Variants in RANBP17 observed in about 807,000 individuals in gnomAD.
The protein encoded by RANBP17 is ran-binding protein 17.
RANBP17 carries 158 observed loss-of-function variants against 141.2 expected under a neutral mutation model. That is an observed-to-expected ratio of 1.12 (90% CI 0.98 to 1.28). The LOEUF (loss-of-function observed/expected upper bound fraction) is 1.28, where lower values mean the gene tolerates loss of function less well. Ranked by LOEUF, RANBP17 falls within the 50% of genes most tolerant of loss-of-function variation. The probability of loss-of-function intolerance (pLI) is 0.00; values close to 1 mark genes in which losing one functional copy is unlikely to be tolerated. For synonymous variants in RANBP17, 430 were observed against 450.0 expected, an observed-to-expected ratio of 0.96 and a Z score of 0.56; for missense variants, 1,438 against 1,290.7, an observed-to-expected ratio of 1.11 and a Z score of -1.75.
At chr5:170,904,660 C>T (rs986813043) in intron 5 of RANBP17, among the ~76,000 whole-genome samples, 32 of 152,250 alleles carry the variant, frequency 2.1e-4, no homozygotes, top group African/African-American at 7.7e-4. Flanking sequence ...AGTACCTGAA[C>T]TTCAGACATT....
At chr5:170,943,508 A>G (rs1774504437) in intron 12 of RANBP17, among the ~76,000 whole-genome samples, 1 of 152,156 alleles carries the variant, frequency 6.6e-6, no homozygotes, top group African/African-American at 2.4e-5. Flanking sequence ...TATTACAGCA[A>G]TAATTATTTT....
At chr5:171,227,045 T>C (rs2127986483) in intron 22 of RANBP17, among the ~76,000 whole-genome samples, 1 of 152,232 alleles carries the variant, frequency 6.6e-6, no homozygotes, top group African/African-American at 2.4e-5. Context: ...CTCCCTATTC[T>C]CTGACACAGC....
At chr5:171,279,525 G>A (rs1767724622) in intron 25 of RANBP17, among the ~76,000 whole-genome samples, 1 of 152,246 alleles carries the variant, frequency 6.6e-6, no homozygotes, top group Non-Finnish European at 1.5e-5. Flanking sequence ...AAGCATGAAG[G>A]CAGAGCCCTC....
chr5:171,253,015 C>G (rs758646268), intron 24 of RANBP17: 4 of 1,124,592 alleles, frequency 3.6e-6, no homozygotes, highest in Non-Finnish European at 5.4e-6. Context: ...GAGATACTTT[C>G]TGCCGCATTT....
At chr5:171,031,288 A>G (rs1360709722) in intron 14 of RANBP17, among the ~76,000 whole-genome samples, 1 of 152,022 alleles carries the variant, frequency 6.6e-6, no homozygotes, top group Non-Finnish European at 1.5e-5. Flanking sequence ...ACCTTACTGT[A>G]AGCAAAACAA....
intron 14 of RANBP17, among the ~76,000 whole-genome samples, chr5:171,081,010 GT>G (rs1785231629): frequency 6.6e-6 from 1 of 152,282 alleles, no homozygotes; most frequent in East Asian, 1.9e-4. Context: ...ACTGTGTGAT[GT>G]TTTAAGGTAG....
In RANBP17 at chr5:171,265,773, C is replaced by T. The variant is rs866408442; in HGVS notation, c.2869C>T (p.Arg957Ter). 13 of 1,613,910 alleles carry T rather than the reference C, an allele frequency of 8.1e-6. No individual in the cohort carries two copies. The Admixed American group carries it at 8.3e-5, about 10-fold the overall frequency. The change falls in exon 25 of 28, where the codon CGA (arginine) becomes TGA (stop). Residue 957 changes from arginine (R) to a stop codon, truncating the protein, a stop_gained. Coordinates refer to ENST00000523189, the MANE Select transcript of RANBP17 (RefSeq NM_022897.5). LOFTEE classifies it high-confidence loss of function. ...HIAKEGKKPL[R>*]CREATQAGQR... ...AGCAAAAGAGGGCAAGAAGCCACTTCGATGCAGAGAGGCTACCCAGGCTGG... is the reference window on the plus strand; with the variant it reads ...AGCAAAAGAGGGCAAGAAGCCACTTTGATGCAGAGAGGCTACCCAGGCTGG...
intron 16 of RANBP17, among the ~76,000 whole-genome samples, chr5:171,179,973 T>C (rs1449913236): frequency 6.6e-6 from 1 of 152,212 alleles, no homozygotes; most frequent in East Asian, 1.9e-4. Flanking sequence ...TTCAGCCATC[T>C]ATGAGATTCT....
intron 14 of RANBP17, among the ~76,000 whole-genome samples, chr5:171,017,073 A>G (rs1780488519): frequency 6.6e-6 from 1 of 152,164 alleles, no homozygotes; most frequent in East Asian, 1.9e-4. Flanking sequence ...TGTCCCAGAA[A>G]AGGACATTAT....
chr5:171,064,173 C>T (rs1336081164), intron 14 of RANBP17, among the ~76,000 whole-genome samples: 2 of 152,292 alleles, frequency 1.3e-5, no homozygotes, highest in Non-Finnish European at 2.9e-5. Context: ...CACCCACTGT[C>T]CTGCGCCCAC....
chr5:171,252,239 A>G, intron 24 of RANBP17: 1 of 1,572,956 alleles, frequency 6.4e-7, no homozygotes. Flanking sequence ...TTACAAGAAG[A>G]GAGAAAGCAA....
At chr5:171,222,129 T>C (rs963666290) in intron 22 of RANBP17, among the ~76,000 whole-genome samples, 3 of 152,170 alleles carry the variant, frequency 2.0e-5, no homozygotes, top group African/African-American at 7.2e-5. Context: ...TTACAGCATA[T>C]TCAAAATTGC....
At chr5:170,907,359 T>C (rs920602204) in intron 5 of RANBP17, among the ~76,000 whole-genome samples, 37 of 151,958 alleles carry the variant, frequency 2.4e-4, no homozygotes, top group African/African-American at 8.4e-4. Flanking sequence ...AAAATAAGCA[T>C]GCAGTCCTTT....
chr5:171,268,063 T>C lies in RANBP17; in HGVS notation c.2943+2216T>C, dbSNP rs1766845458. Among the ~76,000 whole-genome samples, 4 of 152,188 alleles carry C rather than the reference T, an allele frequency of 2.6e-5. No homozygotes were observed. In the South Asian group the frequency reaches 8.3e-4, roughly 32 times the overall value. ...GTGTGACCCTGGAACTGTTACAACATGTTGGTAATATAAAGGAAAAAGGAA... is the reference window on the plus strand; with the variant it reads ...GTGTGACCCTGGAACTGTTACAACACGTTGGTAATATAAAGGAAAAAGGAA... On this transcript the variant is annotated intron_variant, in intron 25 of 27. Transcript: ENST00000523189.
intron 21 of RANBP17, among the ~76,000 whole-genome samples, chr5:171,220,441 CTT>C (rs1173697219): frequency 1.6e-3 from 118 of 73,014 alleles, no homozygotes; most frequent in African/African-American, 5.5e-3. Context: ...CCAGATGATT[CTT>C]TTTTTTTTTT....
intron 14 of RANBP17, among the ~76,000 whole-genome samples, chr5:171,140,926 C>T (rs1318206122): frequency 6.6e-6 from 1 of 152,128 alleles, no homozygotes; most frequent in Non-Finnish European, 1.5e-5. Flanking sequence ...TTACTCCCAC[C>T]CTTTAATCTA....
intron 16 of RANBP17, among the ~76,000 whole-genome samples, chr5:171,179,310 C>T (rs374629225): frequency 4.8e-4 from 73 of 152,062 alleles, no homozygotes; most frequent in African/African-American, 1.7e-3. Flanking sequence ...GGTAGTTCTT[C>T]CTCCTATTCT....
intron 14 of RANBP17, among the ~76,000 whole-genome samples, chr5:170,994,618 A>G (rs1778705119): frequency 6.6e-6 from 1 of 152,078 alleles, no homozygotes; most frequent in African/African-American, 2.4e-5. Flanking sequence ...GATAAACCTC[A>G]TTTCATGTAC....
rs776768832 is a variant in RANBP17, at chr5:171,213,758, G to A, written c.2339+20G>A. 1.3e-6 allele frequency: 2 copies of A among 1,541,394 alleles called. No homozygotes were observed. Among genetic ancestry groups the A allele is most frequent in the South Asian group, 1.1e-5 (1 of 89,432 alleles). On this transcript the variant is annotated intron_variant, in intron 21 of 27. Transcript: ENST00000523189. ...AAACAGGTAAGCAGTGTGACAGGCAGTGAGAAAAACAGTCTACTATTAGCG... is the reference window on the plus strand; with the variant it reads ...AAACAGGTAAGCAGTGTGACAGGCAATGAGAAAAACAGTCTACTATTAGCG...
Sources: allele counts gnomAD v4.1 joint callset (sites outside exome capture counted in the v4.1 genomes callset), GRCh38; gene constraint gnomAD v4.1.1; transcripts MANE v1.5; gene names NCBI Gene and HGNC (gene_info 2026-07-23, HGNC 2026-07-21).